Variants in EPHA7 observed in about 807,000 individuals in gnomAD.
EPHA7 encodes the protein EPH receptor A7.
EPHA7 carries 25 observed loss-of-function variants against 112.6 expected under a neutral mutation model. The observed-to-expected ratio is 0.22, with a 90% confidence interval of 0.16 to 0.31. The LOEUF (loss-of-function observed/expected upper bound fraction) is 0.31. Among genes scored for constraint, EPHA7 ranks in the 10% least tolerant of loss-of-function variants. The pLI is 1.00. For missense variants in EPHA7, 962 were observed against 1,212.6 expected (o/e 0.79, Z 3.07); for synonymous variants, 437 against 406.5 (o/e 1.07, Z -0.90).
chr6:93,316,645 T>C (rs1182626819), intron 5 of EPHA7, among the ~76,000 whole-genome samples: 3 of 152,132 alleles, frequency 2.0e-5, no homozygotes, highest in African/African-American at 4.8e-5. Flanking sequence ...AAAATATCAA[T>C]TGTGCAAAGA....
At chr6:93,418,963 C>A (rs968834656) in intron 1 of EPHA7, among the ~76,000 whole-genome samples, 1 of 152,204 alleles carries the variant, frequency 6.6e-6, no homozygotes, top group African/African-American at 2.4e-5. Context: ...AACCCCACCC[C>A]ACCCCCGTTG....
intron 3 of EPHA7, among the ~76,000 whole-genome samples, chr6:93,371,351 T>C (rs1282557581): frequency 6.6e-6 from 1 of 152,278 alleles, no homozygotes; most frequent in Non-Finnish European, 1.5e-5. Context: ...ATTTACACTG[T>C]ATTAGATATT....
chr6:93,286,431 A>AAG (rs753107714), intron 5 of EPHA7, among the ~76,000 whole-genome samples: 1 of 152,194 alleles, frequency 6.6e-6, no homozygotes, highest in Non-Finnish European at 1.5e-5. Context: ...GATTTTTAAA[A>AAG]TGTAATCTGG....
chr6:93,334,635 G>GA (rs1242907464), intron 5 of EPHA7, among the ~76,000 whole-genome samples: 8 of 151,868 alleles, frequency 5.3e-5, no homozygotes, highest in Admixed American at 4.6e-4. Flanking sequence ...ATATAATGTA[G>GA]AAAAAAATAT....
intron 9 of EPHA7, chr6:93,260,549 C>G: frequency 1.0e-6 from 1 of 955,270 alleles, no homozygotes; most frequent in Non-Finnish European, 1.2e-6. Flanking sequence ...ATTTGGAGAA[C>G]AATATATTTC....
At chr6:93,275,515 T>C (rs1361153304) in intron 5 of EPHA7, among the ~76,000 whole-genome samples, 16 of 151,908 alleles carry the variant, frequency 1.1e-4, no homozygotes, top group Admixed American at 1.1e-3. Flanking sequence ...ATCAGGGATA[T>C]AAGATATAAC....
intron 7 of EPHA7, among the ~76,000 whole-genome samples, chr6:93,265,622 A>G (rs1770896488): frequency 6.6e-6 from 1 of 151,724 alleles, no homozygotes; most frequent in African/African-American, 2.4e-5. Context: ...CAGACTTTAT[A>G]AAATCATCAA....
In EPHA7 at chr6:93,407,823, G is replaced by C. The variant is rs1262571890; in HGVS notation, c.832+2678C>G. 2.6e-5 allele frequency among the ~76,000 whole-genome samples: 4 copies of C among 151,880 alleles called. No homozygotes were observed. In the South Asian group the frequency reaches 8.3e-4, roughly 31 times the overall value. ...ATTCTTGCAATTAAATTTGATGAAT[G>C]TAAGTAATTTTACAGTACCATGTTT... On this transcript the variant is annotated intron_variant, in intron 3 of 16. Coordinates refer to ENST00000369303, the MANE Select transcript of EPHA7 (RefSeq NM_004440.4).
In EPHA7 at chr6:93,411,173, G is replaced by A. The variant is rs1236965863; in HGVS notation, c.163-3C>T. ...TCCAAACCACTAATTTCTTCCCACTGTAAAATTTGAAAAAAGGTCATCAGT... is the reference window on the plus strand; with the variant it reads ...TCCAAACCACTAATTTCTTCCCACTATAAAATTTGAAAAAAGGTCATCAGT... On this transcript the variant is annotated splice_polypyrimidine_tract_variant and splice_region_variant and intron_variant, in intron 2 of 16. Transcript: ENST00000369303. The A allele has an allele frequency of 1.3e-6, 2 of 1,591,678 alleles. No homozygotes were observed. The highest frequency in any genetic ancestry group is 1.8e-5 in the Admixed American group (1 of 55,484).
rs146598011 is a variant in EPHA7 at position 93,310,551 on chromosome 6, G to A, written c.1325-38129C>T. Among the ~76,000 whole-genome samples the A allele has an allele frequency of 5.0e-3, 763 of 152,038 alleles. 12 individuals carry two copies. The highest frequency in any genetic ancestry group is 0.018 in the African/African-American group (736 of 41,458). ...GTGGTGGCGGGCGCCTGTAATCCCA[G>A]CTACTTGGGAGGCTGAGGCAGAAAA... On this transcript the variant is annotated intron_variant, in intron 5 of 16. Transcript: ENST00000369303.
chr6:93,391,454 A>G (rs115037814), intron 3 of EPHA7, among the ~76,000 whole-genome samples: 217 of 152,088 alleles, frequency 1.4e-3, no homozygotes, highest in African/African-American at 4.9e-3. Context: ...TTGTTCTTGT[A>G]TATGAACATA....
intron 3 of EPHA7, among the ~76,000 whole-genome samples, chr6:93,362,630 T>C (rs1409747152): frequency 1.3e-5 from 2 of 152,138 alleles, no homozygotes. Flanking sequence ...ATGTTTTGTT[T>C]AAGCAATGGG....
chr6:93,322,910 T>A (rs1774145702), intron 5 of EPHA7, among the ~76,000 whole-genome samples: 1 of 151,702 alleles, frequency 6.6e-6, no homozygotes, highest in Middle Eastern at 3.4e-3. Flanking sequence ...TGAATGAATA[T>A]GTCAATTATC....
intron 5 of EPHA7, among the ~76,000 whole-genome samples, chr6:93,303,288 C>G (rs1186148951): frequency 6.6e-6 from 1 of 152,160 alleles, no homozygotes; most frequent in African/African-American, 2.4e-5. Context: ...GCACTTCTCA[C>G]TACATTAAAA....
rs1769682354 is a variant in EPHA7 at position 93,241,378 on chromosome 6, T to A, written c.*2048A>T. On this transcript the variant is annotated 3_prime_UTR_variant, in exon 17 of 17. Coordinates refer to ENST00000369303, the MANE Select transcript of EPHA7 (RefSeq NM_004440.4). ...GTGCTGGACTTAGTATAAACACTTG[T>A]ACACACTGCAGACACTGAAAAATAA... 4.7e-6 allele frequency: 1 copy of A among 212,684 alleles called. No individual in the cohort carries two copies. The highest frequency in any genetic ancestry group is 2.3e-5 in the African/African-American group (1 of 44,298). 13.2% of individuals were successfully genotyped at this position (212,684 alleles called of 1,614,324 possible). A position where few individuals can be genotyped will look rare whatever the true frequency, so the allele number is the denominator to read the frequency against.
chr6:93,396,243 G>A (rs1015736014), intron 3 of EPHA7, among the ~76,000 whole-genome samples: 3 of 151,644 alleles, frequency 2.0e-5, no homozygotes, highest in Non-Finnish European at 4.4e-5. Flanking sequence ...TGACTAATGT[G>A]TAAACAATAA....
intron 9 of EPHA7, among the ~76,000 whole-genome samples, chr6:93,263,589 CTTGGGCAAAG>C (rs1770789496): frequency 6.6e-6 from 1 of 151,386 alleles, no homozygotes; most frequent in Non-Finnish European, 1.5e-5. Context: ...GTAAGAAACA[CTTGGGCAAAG>C]TTTGCAAAAT....
intron 5 of EPHA7, among the ~76,000 whole-genome samples, chr6:93,319,145 T>C (rs377151309): frequency 1.3e-5 from 2 of 152,020 alleles, no homozygotes; most frequent in East Asian, 1.9e-4. Context: ...CCCAAAAAGA[T>C]GGACAATAAA....
At chr6:93,277,913 C>T (rs1761589031) in intron 5 of EPHA7, among the ~76,000 whole-genome samples, 1 of 151,686 alleles carries the variant, frequency 6.6e-6, no homozygotes, top group Admixed American at 6.6e-5. Context: ...CATAGTGGCC[C>T]CAGTCAGGTA....
Sources: gnomAD v4.1 joint callset for allele counts (sites outside exome capture counted in the v4.1 genomes callset) on GRCh38, gnomAD v4.1.1 for gene constraint, MANE v1.5 for transcripts, NCBI Gene and HGNC (gene_info 2026-07-23, HGNC 2026-07-21) for gene names.